GLRA3: variants seen among roughly 807,000 people sequenced by gnomAD.
GLRA3 encodes the protein glycine receptor subunit alpha-3.
Under a neutral mutation model 60.4 loss-of-function variants are expected in GLRA3, and 44 were observed. That is an observed-to-expected ratio of 0.73 (90% confidence interval 0.57 to 0.94). The LOEUF (loss-of-function observed/expected upper bound fraction) is 0.94, where lower values mean the gene tolerates loss of function less well. GLRA3 is among the 40% of genes least tolerant of loss of function. The pLI is 0.00. For synonymous variants in GLRA3, 223 were observed against 192.9 expected (o/e 1.16, Z -1.29); for missense variants, 508 against 564.6 (o/e 0.90, Z 1.02).
intron 3 of GLRA3, among the ~76,000 whole-genome samples, chr4:174,736,801 G>C (rs4695958): frequency 0.29 from 44,740 of 151,866 alleles, 6,876 homozygotes; most frequent in African/African-American, 0.36. Context: ...CACAATGCCT[G>C]TATATATGTA....
At chr4:174,734,442 T>C (rs936507142) in intron 3 of GLRA3, among the ~76,000 whole-genome samples, 1 of 152,194 alleles carries the variant, frequency 6.6e-6, no homozygotes, top group African/African-American at 2.4e-5. Flanking sequence ...AATGGCCCAT[T>C]GGGAAAGTGC....
rs1398374725 is a variant in GLRA3, at chr4:174,643,879, G to A, written c.1302C>T (p.Ala434=). The A allele has an allele frequency of 5.6e-6, 9 of 1,614,092 alleles. No homozygotes were observed. The Admixed American group carries it at 8.3e-5, about 15-fold the overall frequency. ...AAATCAAAAAAGCTAATGGGAAGCA[G>A]GCTCGGGAGATGGTATCAATCTTCT... The part of the protein sequence containing the change: ...RAKKIDTISR[A]CFPLAFLIFN... Residue 434 remains alanine, a synonymous_variant, in exon 10 of 10, where the codon GCC becomes GCT. Coordinates refer to ENST00000274093, the MANE Select transcript of GLRA3 (RefSeq NM_006529.4).
chr4:174,804,572 A>T (rs560374854), intron 1 of GLRA3, among the ~76,000 whole-genome samples: 205 of 152,254 alleles, frequency 1.3e-3, no homozygotes, highest in South Asian at 2.5e-3. Context: ...GTGAAGGAGA[A>T]GAATGTCCTC....
intron 1 of GLRA3, among the ~76,000 whole-genome samples, chr4:174,792,887 C>T (rs2111317052): frequency 6.6e-6 from 1 of 152,242 alleles, no homozygotes; most frequent in East Asian, 1.9e-4. Context: ...CCTCTGGTGG[C>T]TGCCAGGTTG....
chr4:174,790,700 G>A (rs967702943), intron 1 of GLRA3, among the ~76,000 whole-genome samples: 17 of 151,760 alleles, frequency 1.1e-4, no homozygotes, highest in African/African-American at 4.1e-4. Context: ...CTAGACGATG[G>A]CCGGGTGCGG....
intron 1 of GLRA3, among the ~76,000 whole-genome samples, chr4:174,803,117 A>T (rs1036810609): frequency 2.0e-5 from 3 of 152,076 alleles, no homozygotes; most frequent in African/African-American, 7.2e-5. Context: ...TCTTTATACA[A>T]TTTATTGGTT....
At chr4:174,782,741 C>T (rs1297795722) in intron 2 of GLRA3, among the ~76,000 whole-genome samples, 2 of 152,028 alleles carry the variant, frequency 1.3e-5, no homozygotes, top group Non-Finnish European at 2.9e-5. Context: ...GAATAAAATA[C>T]CTAGGAATCC....
intron 7 of GLRA3, among the ~76,000 whole-genome samples, chr4:174,672,246 T>G (rs1408436581): frequency 6.6e-6 from 1 of 152,180 alleles, no homozygotes; most frequent in Non-Finnish European, 1.5e-5. Flanking sequence ...TACTTCCCTA[T>G]TTCTTTCCTA....
At chr4:174,692,065 GC>G (rs1734846767) in intron 5 of GLRA3, among the ~76,000 whole-genome samples, 2 of 145,126 alleles carry the variant, frequency 1.4e-5, no homozygotes, top group South Asian at 4.7e-4. Context: ...GAGGTGAGGA[GC>G]GTCTCTGCTG....
At chr4:174,801,011 G>T (rs1004586562) in intron 1 of GLRA3, among the ~76,000 whole-genome samples, 2 of 151,956 alleles carry the variant, frequency 1.3e-5, no homozygotes, top group Non-Finnish European at 2.9e-5. Context: ...TCCAACTGTA[G>T]GCTAATAATG....
At chr4:174,748,411 C>T (rs1034729363) in intron 3 of GLRA3, among the ~76,000 whole-genome samples, 1 of 152,046 alleles carries the variant, frequency 6.6e-6, no homozygotes, top group African/African-American at 2.4e-5. Context: ...AGTAATTTGG[C>T]TGTGAATAGA....
At chr4:174,788,417 T>C (rs142543581) in intron 2 of GLRA3, among the ~76,000 whole-genome samples, 2,830 of 151,976 alleles carry the variant, frequency 0.019, 37 homozygotes, top group Non-Finnish European at 0.027. Context: ...CCCCACAATA[T>C]AGACAGTAGT....
At chr4:174,758,375 T>C (rs982887999) in intron 3 of GLRA3, among the ~76,000 whole-genome samples, 12 of 152,306 alleles carry the variant, frequency 7.9e-5, no homozygotes, top group Admixed American at 7.2e-4. Context: ...ACTTTACTTC[T>C]GTGGGCTTCC....
At chr4:174,791,750 C>A (rs981118344) in intron 1 of GLRA3, among the ~76,000 whole-genome samples, 1 of 152,084 alleles carries the variant, frequency 6.6e-6, no homozygotes, top group African/African-American at 2.4e-5. Flanking sequence ...CATATATTTT[C>A]GTTTCTTTGA....
rs1389816840 is a variant in GLRA3 at position 174,659,156 on chromosome 4, G to A, written c.969C>T (p.Cys323=). Residue 323 remains cysteine, a synonymous_variant, in exon 8 of 10, where the codon TGC becomes TGT. Coordinates refer to ENST00000274093, the MANE Select transcript of GLRA3 (RefSeq NM_006529.4). The part of the protein sequence containing the change: ...VKAIDIWMAV[C]LLFVFSALLE... ...GAAGTGCTGAAAACACAAAAAGGAG[G>A]CATACTGCCATCCAAATATCAATAG... 1.9e-6 allele frequency: 3 copies of A among 1,611,450 alleles called. No homozygotes were observed. Among genetic ancestry groups the A allele is most frequent in the Non-Finnish European group, 1.7e-6 (2 of 1,178,002 alleles).
intron 5 of GLRA3, among the ~76,000 whole-genome samples, chr4:174,705,297 G>A (rs1179137257): frequency 1.4e-5 from 2 of 143,288 alleles, no homozygotes; most frequent in African/African-American, 2.5e-5. Flanking sequence ...CAATGAAAAC[G>A]CCCTAGCAGA....
At chr4:174,767,069 T>G in intron 2 of GLRA3, 39 bp from the exon 3 acceptor site, 1 of 1,062,440 alleles carries the variant, frequency 9.4e-7, no homozygotes, top group Admixed American at 1.8e-5. Flanking sequence ...GTTTAGAGAC[T>G]TATCTAAAAC....
intron 7 of GLRA3, among the ~76,000 whole-genome samples, chr4:174,671,799 G>C (rs1294774547): frequency 2.0e-5 from 3 of 151,924 alleles, no homozygotes; most frequent in Admixed American, 1.3e-4. Flanking sequence ...ACAGATGCCC[G>C]CCACCACGCC....
intron 7 of GLRA3, among the ~76,000 whole-genome samples, chr4:174,668,894 G>T (rs1473384108): frequency 2.0e-5 from 3 of 152,114 alleles, no homozygotes; most frequent in East Asian, 3.9e-4. Context: ...CTTTGAATAG[G>T]GTAATTGGTT....
Sources: gnomAD v4.1 joint callset for allele counts (sites outside exome capture counted in the v4.1 genomes callset) on GRCh38, gnomAD v4.1.1 for gene constraint, MANE v1.5 for transcripts, NCBI Gene and HGNC (gene_info 2026-07-23, HGNC 2026-07-21) for gene names.